The following FANCD2 variants were observed in gnomAD, a reference collection of about 807,000 sequenced individuals.
FANCD2 encodes Fanconi anemia group D2 protein.
In FANCD2, 131 loss-of-function variants were observed where a neutral mutation model predicts 192.3. The observed-to-expected ratio is 0.68, with a 90% CI of 0.59 to 0.79. The LOEUF (loss-of-function observed/expected upper bound fraction) is 0.79. Among genes scored for constraint, FANCD2 ranks in the 30% least tolerant of loss-of-function variants. The probability of loss-of-function intolerance (pLI) is 0.00; values close to 1 mark genes in which losing one functional copy is unlikely to be tolerated. For missense variants in FANCD2, 1,508 were observed against 1,701.6 expected, an observed-to-expected ratio of 0.89 and a Z score of 2.00; for synonymous variants, 524 against 612.5, an observed-to-expected ratio of 0.86 and a Z score of 2.13.
chr3:10,036,803 A>G (rs982065764), intron 7 of FANCD2, among the ~76,000 whole-genome samples: 2 of 152,060 alleles, frequency 1.3e-5, no homozygotes, highest in African/African-American at 4.8e-5. Context: ...GGTTGGAATC[A>G]GGTATTTTCT....
At chr3:10,077,502 C>T (rs1425815332) in intron 29 of FANCD2, among the ~76,000 whole-genome samples, 2 of 151,972 alleles carry the variant, frequency 1.3e-5, no homozygotes, top group Non-Finnish European at 2.9e-5. Flanking sequence ...TTGTAGTGAG[C>T]CAAGATCATG....
intron 40 of FANCD2, 55 bp from the exon 41 acceptor site, chr3:10,095,145 A>T: frequency 6.9e-7 from 1 of 1,440,810 alleles, no homozygotes; most frequent in Non-Finnish European, 9.8e-7. Flanking sequence ...GGTATCTTGA[A>T]TCTAAAATGA....
At chr3:10,090,199 A>T in intron 36 of FANCD2, 93 bp from the exon 37 acceptor site, 1 of 846,170 alleles carries the variant, frequency 1.2e-6, no homozygotes, top group Non-Finnish European at 2.0e-6. Flanking sequence ...TTAGAGAGGT[A>T]GGGAAGGAAG....
At chr3:10,072,355 T>C (rs897520190) in intron 26 of FANCD2, among the ~76,000 whole-genome samples, 1 of 150,856 alleles carries the variant, frequency 6.6e-6, no homozygotes, top group Admixed American at 6.6e-5. Flanking sequence ...CTCTGCTTAC[T>C]ACAACCTCTG....
intron 40 of FANCD2, among the ~76,000 whole-genome samples, chr3:10,094,589 A>G (rs554033260): frequency 2.6e-5 from 4 of 152,198 alleles, no homozygotes; most frequent in African/African-American, 9.6e-5. Flanking sequence ...CAGATCTGAC[A>G]GTGGTCTTCC....
intron 26 of FANCD2, among the ~76,000 whole-genome samples, chr3:10,068,397 TAAACA>T (rs1462831425): frequency 2.0e-5 from 3 of 151,406 alleles, no homozygotes; most frequent in Admixed American, 6.6e-5. Context: ...ACAAATAAAA[TAAACA>T]AAAGTTACAA....
rs575541706 is a variant in FANCD2 at position 10,074,004 on chromosome 3, G to T, written c.2716-526G>T. Among the ~76,000 whole-genome samples the T allele has an allele frequency of 2.6e-5, 4 of 152,228 alleles. No homozygotes were observed. The South Asian group carries it at 8.3e-4, about 32-fold the overall frequency. On this transcript the variant is annotated intron_variant, in intron 28 of 43. Coordinates refer to ENST00000675286, the MANE Select transcript of FANCD2 (RefSeq NM_001018115.3). ...TCTGTCACCCAGGCTGGAGTGCAGT[G>T]GCACGATCTTGGCTCACTGCAACCT...
intron 21 of FANCD2, 130 bp downstream of exon 21, chr3:10,064,041 T>G (rs1341489857): frequency 1.5e-6 from 2 of 1,293,988 alleles, no homozygotes; most frequent in Non-Finnish European, 2.2e-6. Flanking sequence ...TGGGAAAGGC[T>G]TTTCTGCCCT....
Position 10,043,050 on chromosome 3 carries a change from G to A in FANCD2, c.889G>A (p.Val297Ile). The A allele has an allele frequency of 7.4e-6, 12 of 1,613,714 alleles. No homozygotes were observed. Among genetic ancestry groups the A allele is most frequent in the Non-Finnish European group, 1.0e-5 (12 of 1,179,706 alleles). Reference sequence around the variant, plus strand: ...CATAGCTAATATTTACTTTCTGCAGGTAATTTCTGAGCTTCGGGAGAAGTT... The same window carrying A: ...CATAGCTAATATTTACTTTCTGCAGATAATTTCTGAGCTTCGGGAGAAGTT... The part of the protein sequence containing the change: ...HSVTAMDTLE[V>I]ISELREKLDL... Residue 297 changes from valine to isoleucine, a missense_variant and splice_region_variant, in exon 12 of 44, where the codon GTA becomes ATA. Physicochemically the swap from Val to Ile is conservative, Grantham distance 29. Coordinates refer to ENST00000675286, the MANE Select transcript of FANCD2 (RefSeq NM_001018115.3).
chr3:10,046,664 A>T lies in FANCD2; in HGVS notation c.1219A>T (p.Ile407Phe), dbSNP rs1382873679. 3.1e-6 allele frequency: 5 copies of T among 1,614,144 alleles called. No homozygotes were observed. In the African/African-American group the frequency reaches 6.7e-5, roughly 22 times the overall value. Residue 407 changes from isoleucine (I) to phenylalanine (F), a missense_variant, in exon 15 of 44, where the codon ATT becomes TTT. By Grantham distance (21) the Ile-to-Phe change is conservative (BLOSUM62 0). This residue lies in a region of FANCD2 where 108 missense variants were observed against 174.1 expected (regional missense o/e 0.62). Coordinates refer to ENST00000675286, the MANE Select transcript of FANCD2 (RefSeq NM_001018115.3). Reference sequence around the variant, plus strand: ...CATTGACAGGGTGCTAAGAAATAAGATTCGATCAGGCTGCATTCAAGAACA... The same window carrying T: ...CATTGACAGGGTGCTAAGAAATAAGTTTCGATCAGGCTGCATTCAAGAACA... ...KYIDRVLRNK[I>F]RSGCIQEQLL...
intron 15 of FANCD2, 84 bp downstream of exon 15, chr3:10,046,807 T>G (rs2125000946): frequency 8.7e-7 from 1 of 1,154,810 alleles, no homozygotes; most frequent in Non-Finnish European, 1.3e-6. Context: ...TTTCAGTCCA[T>G]TGTTCAAACC....
At chr3:10,040,334 C>T (rs181263646) in intron 9 of FANCD2, 2 of 367,090 alleles carry the variant, frequency 5.4e-6, no homozygotes, top group African/African-American at 2.1e-5. Context: ...CCGTGCCTGG[C>T]CCCATGTACT....
chr3:10,071,591 A>G (rs936192734), intron 26 of FANCD2, among the ~76,000 whole-genome samples: 2 of 152,232 alleles, frequency 1.3e-5, no homozygotes, highest in Non-Finnish European at 2.9e-5. Flanking sequence ...CAGGCACAAC[A>G]TATTTTCACA....
chr3:10,045,101 T>TTTTTTTTTTTTTTTTTTTTTC (rs397948524), intron 14 of FANCD2, among the ~76,000 whole-genome samples: 1 of 149,080 alleles, frequency 6.7e-6, no homozygotes, highest in African/African-American at 2.6e-5. Flanking sequence ...TTTTTTTTTT[T>TTTTTTTTTTTTTTTTTTTTTC]CCTGGAAGCA....
At chr3:10,072,608 GT>G (rs1156414548) in intron 26 of FANCD2, among the ~76,000 whole-genome samples, 2 of 152,064 alleles carry the variant, frequency 1.3e-5, no homozygotes, top group African/African-American at 2.4e-5. Context: ...GTTTGTTTTA[GT>G]TTTTTTCTGT....
rs55921165 is a variant in FANCD2, at chr3:10,042,712, A to T, written c.888+49A>T. On this transcript the variant is annotated intron_variant, in intron 11 of 43. Coordinates refer to ENST00000675286, the MANE Select transcript of FANCD2 (RefSeq NM_001018115.3). ...CCTAGATAAAGCAACTTAAGTGCCA[A>T]TTGCTCTTCTCTGTCCCCAGACTAA... The T allele has an allele frequency of 5.0e-6, 7 of 1,412,016 alleles. No homozygotes were observed. The South Asian group carries it at 5.8e-5, about 12-fold the overall frequency. The allele number at this position is 1,412,016 out of a possible 1,614,324, so 87.5% of individuals were successfully genotyped here.
Position 10,090,294 on chromosome 3 carries a change from A to T in FANCD2, c.3686A>T (p.His1229Leu). The T allele has an allele frequency of 1.9e-6, 3 of 1,612,842 alleles. No individual in the cohort carries two copies. Among genetic ancestry groups the T allele is most frequent in the Non-Finnish European group, 2.5e-6 (3 of 1,179,152 alleles). The stretch of plus-strand genomic sequence containing the variant: ...CGCATGCTTTTCCCGTCTTCTAGGC[A>T]TACTTTTGTTGTTTTCTTCCGTGTG... ...SSSTFPTLTRHTFVVFFRVMM... is the reference protein window; with the variant it reads ...SSSTFPTLTRLTFVVFFRVMM... The change falls in exon 37 of 44, where the codon CAT (histidine) becomes CTT (leucine). Residue 1229 changes from histidine to leucine, a missense_variant and splice_region_variant. This residue lies in a region of FANCD2 where 796 missense variants were observed against 879.4 expected (regional missense o/e 0.91). Coordinates refer to ENST00000675286, the MANE Select transcript of FANCD2 (RefSeq NM_001018115.3).
chr3:10,051,224 C>T (rs1424076167), intron 17 of FANCD2, among the ~76,000 whole-genome samples: 1 of 148,400 alleles, frequency 6.7e-6, no homozygotes, highest in African/African-American at 2.5e-5. Flanking sequence ...ACTAAAAATA[C>T]AAAAAAATTA....
In FANCD2 at chr3:10,032,867, A is replaced by G. The variant is rs1394658178; in HGVS notation, c.100A>G (p.Lys34Glu). ...GCAACCACTTTCCAAAAAGACAAAG[A>G]AATCTCATATTGCTAATGAAGTTGA... ...RKQPLSKKTKKSHIANEVEEN... is the reference protein window; with the variant it reads ...RKQPLSKKTKESHIANEVEEN... Residue 34 changes from lysine to glutamate, a missense_variant, in exon 3 of 44, where the codon AAA becomes GAA. Transcript: ENST00000675286. 4 of 1,613,132 alleles carry G rather than the reference A, an allele frequency of 2.5e-6. No homozygotes were observed. The highest frequency in any genetic ancestry group is 2.2e-5 in the East Asian group (1 of 44,836).
Sources: gnomAD v4.1 joint callset for allele counts (sites outside exome capture counted in the v4.1 genomes callset) on GRCh38, gnomAD v4.1.1 for gene constraint, gnomAD v4.1.1 regional missense constraint, MANE v1.5 for transcripts, NCBI Gene and HGNC (gene_info 2026-07-23, HGNC 2026-07-21) for gene names.